The following ABCC4 variants were observed in gnomAD, a reference collection of about 807,000 sequenced individuals.
ABCC4 encodes ATP-binding cassette sub-family C member 4.
ABCC4 carries 102 observed loss-of-function variants against 168.5 expected under a neutral mutation model. That is an observed-to-expected ratio of 0.61 (90% CI 0.52 to 0.71). The LOEUF (loss-of-function observed/expected upper bound fraction) is 0.71, where lower values mean the gene tolerates loss of function less well. Among genes scored for constraint, ABCC4 ranks in the 30% least tolerant of loss-of-function variants. The probability of loss-of-function intolerance (pLI) is 0.00; values close to 1 mark genes in which losing one functional copy is unlikely to be tolerated. For synonymous variants in ABCC4, 617 were observed against 590.7 expected (o/e 1.04, Z -0.65); for missense variants, 1,402 against 1,605.8 (o/e 0.87, Z 2.17).
chr13:95,277,201 C>T (rs1327457027), intron 1 of ABCC4, among the ~76,000 whole-genome samples: 1 of 152,042 alleles, frequency 6.6e-6, no homozygotes, highest in East Asian at 1.9e-4. Flanking sequence ...GACCTAGGAT[C>T]ATTTTTACAG....
intron 19 of ABCC4, among the ~76,000 whole-genome samples, chr13:95,145,783 C>T (rs935940207): frequency 6.6e-6 from 1 of 152,144 alleles, no homozygotes; most frequent in Non-Finnish European, 1.5e-5. Flanking sequence ...AAAGAACAAA[C>T]TTATGCCCTT....
chr13:95,171,012 G>T (rs931736971), intron 13 of ABCC4, among the ~76,000 whole-genome samples: 1 of 151,798 alleles, frequency 6.6e-6, no homozygotes, highest in Non-Finnish European at 1.5e-5. Flanking sequence ...TTTCTTGGAC[G>T]GTTTCTTAGA....
intron 20 of ABCC4, among the ~76,000 whole-genome samples, chr13:95,110,161 T>G (rs1228305088): frequency 6.6e-6 from 1 of 151,644 alleles, no homozygotes; most frequent in African/African-American, 2.4e-5. Context: ...ATACAAAAAT[T>G]AGACAGGCGT....
Position 95,301,228 on chromosome 13 carries a change from C to A in ABCC4, c.74+13G>T, listed in dbSNP as rs2138983028. The A allele has an allele frequency of 1.3e-6, 2 of 1,579,622 alleles. No homozygotes were observed. The highest frequency in any genetic ancestry group is 4.8e-5 in the East Asian group (2 of 41,444). On this transcript the variant is annotated intron_variant, in intron 1 of 30. Transcript: ENST00000645237. ...CGGCTGCAGGGTGACCTGTTTCGGG[C>A]GGGGACACTCACCAGAAGAACACGC... is the stretch of plus-strand genomic sequence containing the variant.
chr13:95,226,884 T>G (rs1289001020), intron 4 of ABCC4, among the ~76,000 whole-genome samples: 11 of 152,208 alleles, frequency 7.2e-5, no homozygotes, highest in African/African-American at 2.4e-4. Context: ...CCATATGCTA[T>G]CTCTGTGAAC....
At chr13:95,254,798 T>G (rs1227836805) in intron 1 of ABCC4, among the ~76,000 whole-genome samples, 7 of 41,840 alleles carry the variant, frequency 1.7e-4, no homozygotes, top group Non-Finnish European at 3.2e-4. Flanking sequence ...GAAGGGCTAT[T>G]ATATTTCACT....
intron 1 of ABCC4, among the ~76,000 whole-genome samples, chr13:95,272,627 C>T (rs906107179): frequency 2.0e-5 from 3 of 152,128 alleles, no homozygotes; most frequent in Non-Finnish European, 4.4e-5. Context: ...GTGGCTCACG[C>T]CTGTAATCCC....
At chr13:95,134,430 A>C (rs1473496585) in intron 19 of ABCC4, among the ~76,000 whole-genome samples, 1 of 152,180 alleles carries the variant, frequency 6.6e-6, no homozygotes, top group Non-Finnish European at 1.5e-5. Context: ...TGTTCTAAGA[A>C]TATGTAGTGA....
chr13:95,194,681 C>A (rs2038359571), intron 9 of ABCC4, among the ~76,000 whole-genome samples, 155 bp downstream of exon 9: 1 of 152,138 alleles, frequency 6.6e-6, no homozygotes, highest in Admixed American at 6.5e-5. Flanking sequence ...CTATTAATTG[C>A]AAAACTTACT....
chr13:95,215,637 C>A (rs576091587), intron 4 of ABCC4, among the ~76,000 whole-genome samples: 1 of 152,108 alleles, frequency 6.6e-6, no homozygotes, highest in Non-Finnish European at 1.5e-5. Flanking sequence ...AAAAATGTTA[C>A]ACAGAATGTA....
At chr13:95,033,251 TAC>T (rs1393517351) in intron 30 of ABCC4, among the ~76,000 whole-genome samples, 1 of 152,158 alleles carries the variant, frequency 6.6e-6, no homozygotes, top group Admixed American at 6.5e-5. Context: ...TTATTCTACC[TAC>T]AGTGATGAAA....
At chr13:95,191,016 G>A (rs960969795) in intron 9 of ABCC4, among the ~76,000 whole-genome samples, 9 of 152,176 alleles carry the variant, frequency 5.9e-5, no homozygotes, top group Admixed American at 4.6e-4. Flanking sequence ...GTCCCTGAAG[G>A]GTGGAACACC....
chr13:95,081,083 A>T (rs2034078346), intron 21 of ABCC4, among the ~76,000 whole-genome samples: 1 of 152,226 alleles, frequency 6.6e-6, no homozygotes, highest in South Asian at 2.1e-4. Flanking sequence ...TGGAGAAAGA[A>T]TCCTGCATAT....
At chr13:95,073,986 C>T (rs2033814615) in intron 23 of ABCC4, among the ~76,000 whole-genome samples, 2 of 152,166 alleles carry the variant, frequency 1.3e-5, no homozygotes, top group Non-Finnish European at 2.9e-5. Context: ...CTCAACTGCG[C>T]ATATCTCAAC....
chr13:95,276,899 G>A (rs1174554261), intron 1 of ABCC4, among the ~76,000 whole-genome samples: 2 of 152,084 alleles, frequency 1.3e-5, no homozygotes, highest in Non-Finnish European at 2.9e-5. Flanking sequence ...CACGCCTGTA[G>A]TCCCAGCTAC....
At chr13:95,077,324 TTAAGA>T (rs1387842054) in intron 21 of ABCC4, among the ~76,000 whole-genome samples, 1 of 152,116 alleles carries the variant, frequency 6.6e-6, no homozygotes, top group African/African-American at 2.4e-5. Context: ...CCGGGAGAAG[TTAAGA>T]TAACTTTTTA....
chr13:95,165,835 C>G (rs2037253182), intron 15 of ABCC4, among the ~76,000 whole-genome samples: 1 of 152,136 alleles, frequency 6.6e-6, no homozygotes, highest in Non-Finnish European at 1.5e-5. Flanking sequence ...AGTCGGGGGC[C>G]ACCAGACTAA....
In ABCC4 at chr13:95,166,093, A is replaced by T; in HGVS notation, c.2034+65T>A. The T allele has an allele frequency of 3.6e-6, 5 of 1,402,960 alleles. No individual in the cohort carries two copies. In the South Asian group the frequency reaches 5.9e-5, roughly 16 times the overall value. The allele number at this position is 1,402,960 out of a possible 1,614,324, so 86.9% of individuals were successfully genotyped here. A position where few individuals can be genotyped will look rare whatever the true frequency, so the allele number is the denominator to read the frequency against. ...GATGAAGCTTTGAACAGAGTAGACC[A>T]AAGATCCATAAGGCCATTAACAGTG... On this transcript the variant is annotated intron_variant, in intron 15 of 30. Coordinates refer to ENST00000645237, the MANE Select transcript of ABCC4 (RefSeq NM_005845.5).
intron 20 of ABCC4, among the ~76,000 whole-genome samples, chr13:95,114,090 C>T (rs1017607491): frequency 2.6e-5 from 4 of 152,140 alleles, no homozygotes; most frequent in African/African-American, 9.7e-5. Context: ...TTAACCTTCG[C>T]TGTAGATTCA....
Sources: gnomAD v4.1 joint callset for allele counts (sites outside exome capture counted in the v4.1 genomes callset) on GRCh38, gnomAD v4.1.1 for gene constraint, MANE v1.5 for transcripts, NCBI Gene and HGNC (gene_info 2026-07-23, HGNC 2026-07-21) for gene names.